Variants in SPSB1 observed in about 807,000 individuals in gnomAD.
SPSB1 encodes splA/ryanodine receptor domain and SOCS box containing 1, also known as SPRY domain-containing SOCS box protein 1.
In SPSB1, 8 loss-of-function variants were observed where a neutral mutation model predicts 21.2. The ratio of observed to expected loss-of-function variants is 0.38; its 90% CI spans 0.22 to 0.68. SPSB1 has a LOEUF of 0.68. SPSB1 is among the 30% of genes least tolerant of loss of function. The pLI, the probability that SPSB1 is intolerant of heterozygous loss-of-function variation, is 0.53. For missense variants in SPSB1, 242 were observed against 377.8 expected, an observed-to-expected ratio of 0.64 and a Z score of 2.98; for synonymous variants, 169 against 161.7, an observed-to-expected ratio of 1.05 and a Z score of -0.34.
At chr1:9,339,801 C>T (rs543031551) in intron 1 of SPSB1, among the ~76,000 whole-genome samples, 5 of 152,270 alleles carry the variant, frequency 3.3e-5, no homozygotes, top group African/African-American at 1.2e-4. Context: ...TGTGCCCTGC[C>T]CCCCATTCTT....
chr1:9,360,308 C>T (rs139704937), intron 2 of SPSB1, among the ~76,000 whole-genome samples: 5 of 152,264 alleles, frequency 3.3e-5, no homozygotes, highest in South Asian at 2.1e-4. Flanking sequence ...AGTACATGGA[C>T]GGCTGAGAAC....
chr1:9,340,113 G>T (rs547744191), intron 1 of SPSB1, among the ~76,000 whole-genome samples: 1 of 152,202 alleles, frequency 6.6e-6, no homozygotes, highest in Non-Finnish European at 1.5e-5. Context: ...TCTGTGGGCC[G>T]CCCTAGGGTC....
rs530338254 is a variant in SPSB1, at chr1:9,367,057, G to A, written c.695-391G>A. On this transcript the variant is annotated intron_variant, in intron 2 of 2. Coordinates refer to ENST00000328089, the MANE Select transcript of SPSB1 (RefSeq NM_025106.4). This position sits in a 1 kb window ranked among gnomAD's most constrained non-coding sequence, Gnocchi z 5.9. ...CAGGCAGAGTCACCAGTGGGGAAGA[G>A]CAGGGATCGCCTGGGTTCGAATCCT... Among the ~76,000 whole-genome samples the A allele has an allele frequency of 1.3e-5, 2 of 152,352 alleles. No individual in the cohort carries two copies. Among genetic ancestry groups the A allele is most frequent in the African/African-American group, 4.8e-5 (2 of 41,584 alleles).
rs139261599 is a variant in SPSB1 at position 9,325,490 on chromosome 1, C to T, written c.-149-30253C>T. Among the ~76,000 whole-genome samples, 525 of 152,258 alleles carry T rather than the reference C, an allele frequency of 3.4e-3. 3 individuals are homozygous for T. The highest frequency in any genetic ancestry group is 0.012 in the African/African-American group (504 of 41,530). On this transcript the variant is annotated intron_variant, in intron 1 of 2. Coordinates refer to ENST00000328089, the MANE Select transcript of SPSB1 (RefSeq NM_025106.4). ...CACCTCTTCAGGAAGGTGGTGTGGG[C>T]GACCCTAGGCCCTGCTTCTATGGGA...
At chr1:9,333,713 C>T (rs888155851) in intron 1 of SPSB1, among the ~76,000 whole-genome samples, 2 of 152,146 alleles carry the variant, frequency 1.3e-5, no homozygotes, top group Admixed American at 6.5e-5. Context: ...CAGAGCGGCC[C>T]GGGGAAGAGC....
intron 1 of SPSB1, among the ~76,000 whole-genome samples, chr1:9,296,160 G>A (rs750827389): frequency 1.3e-5 from 2 of 152,114 alleles, no homozygotes; most frequent in African/African-American, 4.8e-5. Flanking sequence ...TAATAATAGC[G>A]GGAAATGGTT....
At chr1:9,359,579 G>T (rs1284945223) in intron 2 of SPSB1, among the ~76,000 whole-genome samples, 1 of 151,988 alleles carries the variant, frequency 6.6e-6, no homozygotes, top group Non-Finnish European at 1.5e-5. Flanking sequence ...GCATGCACCT[G>T]TAATCCCAGC....
At chr1:9,362,582 G>A (rs1036703217) in intron 2 of SPSB1, among the ~76,000 whole-genome samples, 4 of 152,190 alleles carry the variant, frequency 2.6e-5, no homozygotes, top group African/African-American at 7.2e-5. Context: ...TCTCTGATGC[G>A]GAACATTTTT....
Position 9,293,790 on chromosome 1 carries a change from G to T in SPSB1, c.-150+719G>T, listed in dbSNP as rs1005345146. 2.6e-5 allele frequency among the ~76,000 whole-genome samples: 4 copies of T among 152,234 alleles called. No homozygotes were observed. Among genetic ancestry groups the T allele is most frequent in the Non-Finnish European group, 4.4e-5 (3 of 68,036 alleles). On this transcript the variant is annotated intron_variant, in intron 1 of 2. Transcript: ENST00000328089. The surrounding 1 kb of genome is among the most constrained non-coding windows in gnomAD (Gnocchi z 5.1). ...TCGGTGGCGTCCAGGTTCCGGTGAG[G>T]ACGGGACGGCCCCGAGAGGAGGGTG...
chr1:9,348,176 C>T lies in SPSB1; in HGVS notation c.-149-7567C>T, dbSNP rs940250391. The stretch of plus-strand genomic sequence containing the variant: ...GCCAGACTGGTCTCAAACTCCTGAC[C>T]TCAGGTGATCTGCCCACCTCGGCCT... On this transcript the variant is annotated intron_variant, in intron 1 of 2. Coordinates refer to ENST00000328089, the MANE Select transcript of SPSB1 (RefSeq NM_025106.4). This position sits in a 1 kb window ranked among gnomAD's most constrained non-coding sequence, Gnocchi z 4.8. 2.7e-4 allele frequency among the ~76,000 whole-genome samples: 41 copies of T among 151,968 alleles called. No homozygotes were observed. Among genetic ancestry groups the T allele is most frequent in the African/African-American group, 9.2e-4 (38 of 41,374 alleles).
rs1336523694 is a variant in SPSB1 at position 9,293,045 on chromosome 1, A to G, written c.-176A>G. The G allele has an allele frequency of 9.2e-6, 9 of 978,906 alleles. No homozygotes were observed. Among genetic ancestry groups the G allele is most frequent in the Non-Finnish European group, 1.1e-5 (9 of 826,350 alleles). 60.6% of individuals were successfully genotyped at this position (978,906 alleles called of 1,614,324 possible). A position where few individuals can be genotyped will look rare whatever the true frequency, so the allele number is the denominator to read the frequency against. On this transcript the variant is annotated 5_prime_UTR_variant, in exon 1 of 3. Coordinates refer to ENST00000328089, the MANE Select transcript of SPSB1 (RefSeq NM_025106.4). This position sits in a 1 kb window ranked among gnomAD's most constrained non-coding sequence, Gnocchi z 5.1. Reference sequence around the variant, plus strand: ...CCGAGCCTCCTCGGCCTTGGAGAGCAGCGGCGGCGGCGGCACCCCGGGCGC... The same window carrying G: ...CCGAGCCTCCTCGGCCTTGGAGAGCGGCGGCGGCGGCGGCACCCCGGGCGC...
At position 9,355,885 on chromosome 1, in the gene SPSB1, G is replaced by A; in HGVS notation, c.-7G>A. Reference sequence around the variant, plus strand: ...GAGTCGGTAAGAAGGTGAAGCCAGGGGCGAACATGGGTCAGAAGGTCACTG... The same window carrying A: ...GAGTCGGTAAGAAGGTGAAGCCAGGAGCGAACATGGGTCAGAAGGTCACTG... On this transcript the variant is annotated 5_prime_UTR_variant, in exon 2 of 3. Coordinates refer to ENST00000328089, the MANE Select transcript of SPSB1 (RefSeq NM_025106.4). 1.3e-6 allele frequency: 2 copies of A among 1,542,782 alleles called. No homozygotes were observed. The highest frequency in any genetic ancestry group is 1.7e-6 in the Non-Finnish European group (2 of 1,143,046).
At chr1:9,350,416 C>T (rs1640237755) in intron 1 of SPSB1, among the ~76,000 whole-genome samples, 1 of 152,214 alleles carries the variant, frequency 6.6e-6, no homozygotes, top group African/African-American at 2.4e-5. Flanking sequence ...GACGTGGTGA[C>T]TAATGCAAGA....
rs559778638 is a variant in SPSB1, at chr1:9,363,992, G to C, written c.695-3456G>C. Among the ~76,000 whole-genome samples the C allele has an allele frequency of 7.2e-5, 11 of 152,302 alleles. No individual in the cohort carries two copies. Among genetic ancestry groups the C allele is most frequent in the Admixed American group, 2.0e-4 (3 of 15,302 alleles). ...TGGGATTACAGGCATAAGCCACCGC[G>C]TCCAGCCTAGAAACATTTCTTCATG... On this transcript the variant is annotated intron_variant, in intron 2 of 2. Transcript: ENST00000328089. This position sits in a 1 kb window ranked among gnomAD's most constrained non-coding sequence, Gnocchi z 4.5.
chr1:9,322,606 T>A (rs912404487), intron 1 of SPSB1, among the ~76,000 whole-genome samples: 2 of 152,108 alleles, frequency 1.3e-5, no homozygotes, highest in African/African-American at 4.8e-5. Context: ...AGAAGTGGCA[T>A]CGTTGCGGAC....
At position 9,324,318 on chromosome 1, in the gene SPSB1, G is replaced by C. The variant is rs545960815; in HGVS notation, c.-150+31247G>C. Among the ~76,000 whole-genome samples, 97 of 152,300 alleles carry C rather than the reference G, an allele frequency of 6.4e-4. No homozygotes were observed. Among genetic ancestry groups the C allele is most frequent in the Non-Finnish European group, 1.6e-4 (11 of 68,034 alleles). On this transcript the variant is annotated intron_variant, in intron 1 of 2. Transcript: ENST00000328089. This position sits in a 1 kb window ranked among gnomAD's most constrained non-coding sequence, Gnocchi z 4.3. ...GCATCGATGAATCGTGTCCCGATTA[G>C]CTGTTGGTGGTGTGCCATCTGCGGC... is the stretch of plus-strand genomic sequence containing the variant.
intron 1 of SPSB1, among the ~76,000 whole-genome samples, chr1:9,343,551 T>C (rs571957906): frequency 1.3e-5 from 2 of 152,316 alleles, no homozygotes; most frequent in African/African-American, 4.8e-5. Flanking sequence ...TTTGCAACAA[T>C]AACAAGACAA....
At chr1:9,320,762 C>G (rs1335788409) in intron 1 of SPSB1, among the ~76,000 whole-genome samples, 1 of 152,190 alleles carries the variant, frequency 6.6e-6, no homozygotes, top group Non-Finnish European at 1.5e-5. Flanking sequence ...TTGAAGGTGC[C>G]TGGAGGGTGA....
rs892705182 is a variant in SPSB1, at chr1:9,316,756, G to A, written c.-150+23685G>A. ...CTCCAGGGGAGACCGCCCCGGAAGC[G>A]GCATTGGGTCTGGGTCTGGGGGCCG... On this transcript the variant is annotated intron_variant, in intron 1 of 2. Coordinates refer to ENST00000328089, the MANE Select transcript of SPSB1 (RefSeq NM_025106.4). 5.3e-5 allele frequency among the ~76,000 whole-genome samples: 8 copies of A among 152,330 alleles called. No individual in the cohort carries two copies. In the South Asian group the frequency reaches 1.2e-3, roughly 24 times the overall value.
Sources: gnomAD v4.1 joint callset for allele counts (sites outside exome capture counted in the v4.1 genomes callset) on GRCh38, gnomAD v4.1.1 for gene constraint, Gnocchi (gnomAD v3.1) non-coding constraint, MANE v1.5 for transcripts, NCBI Gene and HGNC (gene_info 2026-07-23, HGNC 2026-07-21) for gene names.